TTBK2: variants seen among roughly 807,000 people sequenced by gnomAD.
TTBK2 encodes tau tubulin kinase 2, also known as tau-tubulin kinase 2.
TTBK2 carries 28 observed loss-of-function variants against 110.8 expected under a neutral mutation model. That is an observed-to-expected ratio of 0.25 (90% CI 0.19 to 0.35). The LOEUF (loss-of-function observed/expected upper bound fraction) is 0.35. TTBK2 is among the 10% of genes least tolerant of loss of function. TTBK2 has a pLI of 1.00. For synonymous variants in TTBK2, 532 were observed against 527.3 expected (o/e 1.01, Z -0.12); for missense variants, 1,369 against 1,500.3 (o/e 0.91, Z 1.45).
rs906735021 is a variant in TTBK2 at position 42,840,437 on chromosome 15, G to A, written c.218-4C>T. On this transcript the variant is annotated splice_polypyrimidine_tract_variant and splice_region_variant and intron_variant, in intron 3 of 14. Transcript: ENST00000267890. ...AATCTACAAACATGGTCTTTCCCTGGATAAAAAAAGAAAACAGTGGAAAAG... is the reference window on the plus strand; with the variant it reads ...AATCTACAAACATGGTCTTTCCCTGAATAAAAAAAGAAAACAGTGGAAAAG... The A allele has an allele frequency of 6.2e-7, 1 of 1,612,922 alleles. No individual in the cohort carries two copies. The highest frequency in any genetic ancestry group is 1.3e-5 in the African/African-American group (1 of 74,910).
At chr15:42,780,017 ATTC>A (rs941346940) in intron 11 of TTBK2, among the ~76,000 whole-genome samples, 40 of 150,524 alleles carry the variant, frequency 2.7e-4, no homozygotes, top group African/African-American at 7.5e-4. Flanking sequence ...AATTCAAGTC[ATTC>A]TTCTTTGTTG....
At chr15:42,809,192 T>G (rs1891601538) in intron 9 of TTBK2, among the ~76,000 whole-genome samples, 1 of 152,270 alleles carries the variant, frequency 6.6e-6, no homozygotes, top group Non-Finnish European at 1.5e-5. Context: ...AGGAAAGAGC[T>G]GGATTATTTA....
At chr15:42,918,224 C>G (rs968993779) in intron 1 of TTBK2, among the ~76,000 whole-genome samples, 4 of 152,040 alleles carry the variant, frequency 2.6e-5, no homozygotes, top group African/African-American at 9.7e-5. Flanking sequence ...CCACCATGCC[C>G]GGCTAAATTT....
chr15:42,913,385 A>T (rs528518478), intron 1 of TTBK2, among the ~76,000 whole-genome samples: 2 of 152,170 alleles, frequency 1.3e-5, no homozygotes, highest in Non-Finnish European at 2.9e-5. Flanking sequence ...CACATCTGTA[A>T]TCCCAGCACT....
At chr15:42,837,228 C>T (rs1334686129) in intron 4 of TTBK2, among the ~76,000 whole-genome samples, 2 of 151,498 alleles carry the variant, frequency 1.3e-5, no homozygotes, top group African/African-American at 4.9e-5. Context: ...TGTGGCGGCG[C>T]GCACCTGCAG....
At chr15:42,783,374 T>A (rs767309935) in intron 11 of TTBK2, 45 bp downstream of exon 11, 1 of 1,592,538 alleles carries the variant, frequency 6.3e-7, no homozygotes, top group East Asian at 2.2e-5. Flanking sequence ...CCCAGCCTTC[T>A]GAACTGTAAG....
intron 11 of TTBK2, among the ~76,000 whole-genome samples, chr15:42,782,741 T>G (rs1890232004): frequency 6.6e-6 from 1 of 152,224 alleles, no homozygotes; most frequent in South Asian, 2.1e-4. Context: ...TATCTACCAT[T>G]CAAATTTCAC....
rs766755776 is a variant in TTBK2 at position 42,802,110 on chromosome 15, CTTG to C, written c.823-7312_823-7310del. 58 of 1,462,254 alleles carry C rather than the reference CTTG, an allele frequency of 4.0e-5. 1 individual carries two copies. Among genetic ancestry groups the C allele is most frequent in the Middle Eastern group, 1.9e-4 (1 of 5,362 alleles). The allele number at this position is 1,462,254 out of a possible 1,614,324, so 90.6% of individuals were successfully genotyped here. A position where few individuals can be genotyped will look rare whatever the true frequency, so the allele number is the denominator to read the frequency against. On this transcript the variant is annotated intron_variant, in intron 9 of 14. Coordinates refer to ENST00000267890, the MANE Select transcript of TTBK2 (RefSeq NM_173500.4). The stretch of plus-strand genomic sequence containing the variant: ...GTACCTTGTCTATGAAGGAGAAAAA[CTTG>C]TTGTTGAGGGTCTTGATCTGCTTCT...
intron 1 of TTBK2, among the ~76,000 whole-genome samples, chr15:42,909,626 G>A (rs1462199336): frequency 6.6e-6 from 1 of 151,950 alleles, no homozygotes; most frequent in Non-Finnish European, 1.5e-5. Context: ...GCAAAACTAC[G>A]CTAAAAAGAA....
intron 1 of TTBK2, among the ~76,000 whole-genome samples, chr15:42,909,846 A>G (rs2030645563): frequency 6.6e-6 from 1 of 152,222 alleles, no homozygotes; most frequent in Admixed American, 6.5e-5. Context: ...CAAATATCAT[A>G]AGAATGGCTA....
intron 13 of TTBK2, among the ~76,000 whole-genome samples, chr15:42,774,029 G>A (rs922790027): frequency 6.6e-6 from 1 of 152,222 alleles, no homozygotes; most frequent in African/African-American, 2.4e-5. Flanking sequence ...CCAGGAAAGA[G>A]GGACCTGCTA....
At chr15:42,814,513 G>A (rs183142848) in intron 7 of TTBK2, among the ~76,000 whole-genome samples, 2 of 152,166 alleles carry the variant, frequency 1.3e-5, no homozygotes, top group African/African-American at 2.4e-5. Flanking sequence ...GGAGTTCAAG[G>A]TTATAGTAAG....
At chr15:42,783,236 T>C (rs925667628) in intron 11 of TTBK2, among the ~76,000 whole-genome samples, 183 bp downstream of exon 11, 4 of 151,656 alleles carry the variant, frequency 2.6e-5, no homozygotes, top group African/African-American at 9.7e-5. Flanking sequence ...TGAATGAGAG[T>C]GGTGTCCTTA....
intron 9 of TTBK2, chr15:42,801,296 C>T: frequency 6.2e-7 from 1 of 1,605,192 alleles, no homozygotes; most frequent in Non-Finnish European, 8.5e-7. Flanking sequence ...GCTCCTGGTA[C>T]TCACGCAGCT....
intron 9 of TTBK2, chr15:42,802,102 G>C: frequency 6.9e-7 from 1 of 1,455,662 alleles, no homozygotes. Flanking sequence ...GTCTATGAAG[G>C]AGAAAAACTT....
chr15:42,763,157 C>CATATACAT (rs1889132981), intron 13 of TTBK2, among the ~76,000 whole-genome samples: 1 of 20,464 alleles, frequency 4.9e-5, no homozygotes, highest in Admixed American at 1.1e-3. Context: ...TATATATATA[C>CATATACAT]ATATATATAT....
intron 13 of TTBK2, among the ~76,000 whole-genome samples, chr15:42,772,447 A>G (rs1053152248): frequency 6.6e-6 from 1 of 151,972 alleles, no homozygotes; most frequent in African/African-American, 2.4e-5. Flanking sequence ...CTTGACAACC[A>G]CCTCATGAGA....
intron 1 of TTBK2, among the ~76,000 whole-genome samples, chr15:42,917,125 T>C (rs1355412586): frequency 6.6e-6 from 1 of 152,072 alleles, no homozygotes; most frequent in East Asian, 1.9e-4. Context: ...CTTAAGTTTT[T>C]CACATTGGGA....
intron 6 of TTBK2, among the ~76,000 whole-genome samples, chr15:42,825,203 T>C (rs1892476934): frequency 6.6e-6 from 1 of 151,930 alleles, no homozygotes; most frequent in Admixed American, 6.6e-5. Context: ...TAGAAGTAGA[T>C]TGGGTTAAAT....
Sources: gnomAD v4.1 joint callset for allele counts (sites outside exome capture counted in the v4.1 genomes callset) on GRCh38, gnomAD v4.1.1 for gene constraint, MANE v1.5 for transcripts, NCBI Gene and HGNC (gene_info 2026-07-23, HGNC 2026-07-21) for gene names.